Variants in DIAPH2 observed in about 807,000 individuals in gnomAD.
DIAPH2 encodes diaphanous related formin 2.
Under a neutral mutation model 92.7 loss-of-function variants are expected in DIAPH2, and 35 were observed. The ratio of observed to expected loss-of-function variants is 0.38; its 90% CI spans 0.29 to 0.50. The LOEUF (loss-of-function observed/expected upper bound fraction) is 0.50. Among genes scored for constraint, DIAPH2 ranks in the 20% least tolerant of loss-of-function variants. DIAPH2 has a pLI of 0.94. For missense variants in DIAPH2, 701 were observed against 819.5 expected (o/e 0.86, Z 1.77); for synonymous variants, 301 against 280.4 (o/e 1.07, Z -0.73).
chrX:97,530,849 A>G (rs1414346438), intron 26 of DIAPH2, among the ~76,000 whole-genome samples: 1 of 111,996 alleles, frequency 8.9e-6, no homozygotes, highest in African/African-American at 3.2e-5. Context: ...CAATTAGTGA[A>G]AACTGTTTCA....
intron 26 of DIAPH2, among the ~76,000 whole-genome samples, chrX:97,484,127 C>T (rs2081413979): frequency 1.8e-5 from 2 of 111,308 alleles, no homozygotes; most frequent in Non-Finnish European, 3.8e-5. Flanking sequence ...TCAGACCATA[C>T]CCCAGGTCTT....
At position 96,685,227 on chromosome X, in the gene DIAPH2, AGGGAGAGCCCC is replaced by A. The variant is rs778682165; in HGVS notation, c.132+42_132+52del. The stretch of plus-strand genomic sequence containing the variant: ...CGCAGCCCCCGCCGGCCTTAGGGAC[AGGGAGAGCCCC>A]GGGATCCTCCTGCCATTGAACACGG... On this transcript the variant is annotated intron_variant, in intron 1 of 26. Transcript: ENST00000324765. 485 of 982,475 alleles carry A rather than the reference AGGGAGAGCCCC, an allele frequency of 4.9e-4. 1 individual carries two copies. In the African/African-American group the frequency reaches 8.3e-3, roughly 17 times the overall value. The allele number at this position is 982,475 out of a possible 1,213,427, so 81.0% of individuals were successfully genotyped here. A position where few individuals can be genotyped will look rare whatever the true frequency, so the allele number is the denominator to read the frequency against.
In DIAPH2 at chrX:97,273,122, T is replaced by C. The variant is rs760682783; in HGVS notation, c.2844+25283T>C. On this transcript the variant is annotated intron_variant, in intron 23 of 26. Transcript: ENST00000324765. The stretch of plus-strand genomic sequence containing the variant: ...GTGAGCCAAGATCGTGCCATTGCAC[T>C]CCAGCCTGGGCAACAAGAGCGAAAC... 8.3e-4 allele frequency among the ~76,000 whole-genome samples: 93 copies of C among 111,939 alleles called. 2 individuals are homozygous for C. In the Middle Eastern group the frequency reaches 0.023, roughly 28 times the overall value.
chrX:96,748,417 G>C (rs116458613), intron 3 of DIAPH2, among the ~76,000 whole-genome samples: 3,798 of 111,871 alleles, frequency 0.034, 163 homozygotes, highest in African/African-American at 0.12. Flanking sequence ...ACTTAGCCCT[G>C]TGTAGGGGCT....
intron 22 of DIAPH2, among the ~76,000 whole-genome samples, chrX:97,171,953 G>C (rs1369372285): frequency 9.2e-6 from 1 of 108,621 alleles, no homozygotes; most frequent in East Asian, 2.9e-4. Context: ...AAAAAAAAAA[G>C]AGTAACTTTC....
intron 26 of DIAPH2, among the ~76,000 whole-genome samples, chrX:97,499,439 T>C (rs1347805835): frequency 8.9e-6 from 1 of 111,839 alleles, no homozygotes; most frequent in Admixed American, 9.5e-5. Flanking sequence ...ATTCAGCGGG[T>C]ACATGTGCAG....
At chrX:96,999,496 C>T (rs1239296631) in intron 17 of DIAPH2, among the ~76,000 whole-genome samples, 7 of 55,055 alleles carry the variant, frequency 1.3e-4, no homozygotes, top group Non-Finnish European at 2.3e-4. Context: ...GTGAGACTGT[C>T]TCAAAAAAAA....
chrX:97,359,400 T>G (rs1483835608), intron 24 of DIAPH2, among the ~76,000 whole-genome samples: 1 of 109,775 alleles, frequency 9.1e-6, no homozygotes, highest in Non-Finnish European at 1.9e-5. Flanking sequence ...AAAAGCAATG[T>G]TACGATTTAA....
At chrX:96,982,550 C>A (rs1314112821) in intron 17 of DIAPH2, among the ~76,000 whole-genome samples, 3 of 112,103 alleles carry the variant, frequency 2.7e-5, no homozygotes, top group African/African-American at 9.7e-5. Context: ...TTGTAATTTT[C>A]TTTGAAAAGA....
intron 25 of DIAPH2, among the ~76,000 whole-genome samples, chrX:97,384,849 G>A (rs1378206209): frequency 1.8e-5 from 2 of 109,188 alleles, no homozygotes; most frequent in Non-Finnish European, 3.8e-5. Flanking sequence ...CTAGGCAACA[G>A]AGCGAGACTG....
chrX:97,455,445 G>A (rs941105069), intron 26 of DIAPH2, among the ~76,000 whole-genome samples: 1 of 111,762 alleles, frequency 8.9e-6, no homozygotes, highest in Non-Finnish European at 1.9e-5. Flanking sequence ...GCCTTTGTTC[G>A]TTGACCCTTG....
At chrX:97,387,538 C>T (rs937770737) in intron 25 of DIAPH2, among the ~76,000 whole-genome samples, 4 of 111,807 alleles carry the variant, frequency 3.6e-5, no homozygotes, top group African/African-American at 1.3e-4. Context: ...TGGGGGATGT[C>T]GGTGTTTTTG....
chrX:96,868,886 G>T (rs969227913), intron 4 of DIAPH2, among the ~76,000 whole-genome samples: 1 of 111,631 alleles, frequency 9.0e-6, no homozygotes, highest in Non-Finnish European at 1.9e-5. Flanking sequence ...TAATCAATGT[G>T]TGTGCAGAGA....
intron 22 of DIAPH2, among the ~76,000 whole-genome samples, chrX:97,145,316 A>AGTAGTAGTAGTAGTG (rs1555990387): frequency 9.3e-6 from 1 of 107,108 alleles, no homozygotes; most frequent in African/African-American, 3.4e-5. Flanking sequence ...TAGTAGTAGT[A>AGTAGTAGTAGTAGTG]GTAGTAGTGG....
At chrX:97,051,509 GT>G (rs1244276412) in intron 17 of DIAPH2, among the ~76,000 whole-genome samples, 1 of 73,536 alleles carries the variant, frequency 1.4e-5, no homozygotes, top group South Asian at 5.8e-4. Flanking sequence ...GTCTTGCTTT[GT>G]TTTTTTTTCT....
chrX:97,121,296 A>G (rs934705354), intron 21 of DIAPH2, among the ~76,000 whole-genome samples: 11 of 112,078 alleles, frequency 9.8e-5, no homozygotes, highest in African/African-American at 3.6e-4. Flanking sequence ...CCTAAGATCA[A>G]GATGCCAGCA....
At chrX:97,115,056 A>C (rs1416501161) in intron 21 of DIAPH2, 91 bp downstream of exon 21, 14 of 847,964 alleles carry the variant, frequency 1.7e-5, no homozygotes, top group Non-Finnish European at 2.2e-5. Context: ...CATAAACCAC[A>C]AAATTGTATG....
At chrX:97,040,645 C>A (rs1437948901) in intron 17 of DIAPH2, among the ~76,000 whole-genome samples, 1 of 110,597 alleles carries the variant, frequency 9.0e-6, no homozygotes, top group Non-Finnish European at 1.9e-5. Flanking sequence ...TGTTTTTCTC[C>A]TCTGTCTTTT....
At chrX:97,344,233 TA>T (rs949880988) in intron 23 of DIAPH2, among the ~76,000 whole-genome samples, 19 of 110,926 alleles carry the variant, frequency 1.7e-4, no homozygotes, top group African/African-American at 5.6e-4. Context: ...TTTAGTGGCT[TA>T]AAAAACAAAA....
Sources: gnomAD v4.1 joint callset for allele counts (sites outside exome capture counted in the v4.1 genomes callset) on GRCh38, gnomAD v4.1.1 for gene constraint, MANE v1.5 for transcripts, NCBI Gene and HGNC (gene_info 2026-07-23, HGNC 2026-07-21) for gene names.